ARFGEF3: variants seen among roughly 807,000 people sequenced by gnomAD.
ARFGEF3 encodes the protein brefeldin A-inhibited guanine nucleotide-exchange protein 3.
A neutral mutation model predicts 221.7 loss-of-function variants in ARFGEF3; 96 were observed. The ratio of observed to expected loss-of-function variants is 0.43; its 90% confidence interval spans 0.37 to 0.51. ARFGEF3 has a LOEUF of 0.51. Among genes scored for constraint, ARFGEF3 ranks in the 20% least tolerant of loss-of-function variants. ARFGEF3 has a pLI of 0.00. For missense variants in ARFGEF3, 2,410 were observed against 2,789.9 expected, an observed-to-expected ratio of 0.86 and a Z score of 3.07; for synonymous variants, 1,145 against 1,126.8, an observed-to-expected ratio of 1.02 and a Z score of -0.32.
chr6:138,180,182 C>T (rs1199504507), intron 2 of ARFGEF3, among the ~76,000 whole-genome samples: 1 of 152,180 alleles, frequency 6.6e-6, no homozygotes, highest in Non-Finnish European at 1.5e-5. Context: ...TATGATTTAA[C>T]ATGATGAGGA....
chr6:138,223,358 A>G (rs1778016910), intron 4 of ARFGEF3, among the ~76,000 whole-genome samples: 2 of 152,224 alleles, frequency 1.3e-5, no homozygotes, highest in Non-Finnish European at 2.9e-5. Context: ...GTGTTAAGCA[A>G]CAAAGCTAAA....
At chr6:138,324,280 C>A in intron 31 of ARFGEF3, 126 bp downstream of exon 31, 1 of 1,116,918 alleles carries the variant, frequency 9.0e-7, no homozygotes, top group Non-Finnish European at 1.3e-6. Context: ...CCTTGTAGCT[C>A]CCAACTCTTG....
At chr6:138,255,947 TG>T (rs893420991) in intron 10 of ARFGEF3, among the ~76,000 whole-genome samples, 178 bp downstream of exon 10, 9 of 152,152 alleles carry the variant, frequency 5.9e-5, no homozygotes, top group Admixed American at 5.9e-4. Flanking sequence ...TATTGCGAGC[TG>T]GGGTAGGAGG....
At chr6:138,265,060 C>T (rs921281594) in intron 12 of ARFGEF3, among the ~76,000 whole-genome samples, 11 of 152,048 alleles carry the variant, frequency 7.2e-5, no homozygotes, top group Non-Finnish European at 4.4e-5. Context: ...CCCACCACCA[C>T]ACCGGGCTAA....
intron 2 of ARFGEF3, among the ~76,000 whole-genome samples, chr6:138,174,009 AT>A (rs752680366): frequency 6.6e-6 from 1 of 152,242 alleles, no homozygotes; most frequent in Non-Finnish European, 1.5e-5. Flanking sequence ...TGTACAGAGA[AT>A]TGAACCATAT....
intron 12 of ARFGEF3, among the ~76,000 whole-genome samples, chr6:138,265,108 T>A (rs1031851611): frequency 7.2e-5 from 11 of 152,116 alleles, no homozygotes; most frequent in Non-Finnish European, 1.5e-4. Context: ...TTTCGCTGTG[T>A]TAGCCAGGAT....
chr6:138,194,076 T>C lies in ARFGEF3; in HGVS notation c.138-12966T>C, dbSNP rs377690570. ...TGAGGTCAGGAGTTCGAGACCAGCC[T>C]GAACAACATGATGAAACCCCGTCTC... On this transcript the variant is annotated intron_variant, in intron 2 of 33. Coordinates refer to ENST00000251691, the MANE Select transcript of ARFGEF3 (RefSeq NM_020340.5). Among the ~76,000 whole-genome samples, 73 of 152,196 alleles carry C rather than the reference T, an allele frequency of 4.8e-4. No individual in the cohort carries two copies. In the East Asian group the frequency reaches 0.01, roughly 21 times the overall value.
At chr6:138,270,545 A>G (rs1778985956) in intron 12 of ARFGEF3, among the ~76,000 whole-genome samples, 1 of 152,096 alleles carries the variant, frequency 6.6e-6, no homozygotes, top group Admixed American at 6.5e-5. Flanking sequence ...GACCATGGGC[A>G]AGTTACTGAC....
chr6:138,312,799 T>C (rs1268257694), intron 25 of ARFGEF3, among the ~76,000 whole-genome samples: 1 of 152,174 alleles, frequency 6.6e-6, no homozygotes, highest in African/African-American at 2.4e-5. Flanking sequence ...AACCTCTGCC[T>C]CCCAGGTTCA....
chr6:138,322,663 C>T (rs189619023), intron 29 of ARFGEF3, among the ~76,000 whole-genome samples: 77 of 151,794 alleles, frequency 5.1e-4, no homozygotes, highest in African/African-American at 1.6e-3. Flanking sequence ...GGTGTGGTGG[C>T]GGGCGCCTGT....
chr6:138,194,145 G>C (rs936380481), intron 2 of ARFGEF3, among the ~76,000 whole-genome samples: 1 of 152,004 alleles, frequency 6.6e-6, no homozygotes, highest in Non-Finnish European at 1.5e-5. Flanking sequence ...GCGGGCGCCT[G>C]TAATCCCAGC....
chr6:138,229,882 T>C lies in ARFGEF3; in HGVS notation c.420+30T>C, dbSNP rs770735496. ...GTACTGCTTGTGTCTGTGCCTCCTG[T>C]TCACAGCTGCTTTATCTCTGACTGG... On this transcript the variant is annotated intron_variant, in intron 5 of 33. Coordinates refer to ENST00000251691, the MANE Select transcript of ARFGEF3 (RefSeq NM_020340.5). 7.6e-6 allele frequency: 12 copies of C among 1,577,408 alleles called. No homozygotes were observed. The African/African-American group carries it at 1.2e-4, about 16-fold the overall frequency.
intron 2 of ARFGEF3, among the ~76,000 whole-genome samples, chr6:138,193,766 A>G (rs747301562): frequency 6.6e-6 from 1 of 152,238 alleles, no homozygotes. Context: ...AAATTATAAT[A>G]CATCTATTTA....
At chr6:138,233,434 T>G (rs1778228447) in intron 5 of ARFGEF3, among the ~76,000 whole-genome samples, 1 of 152,156 alleles carries the variant, frequency 6.6e-6, no homozygotes, top group African/African-American at 2.4e-5. Flanking sequence ...TGGACTGCAG[T>G]GGCACAATCT....
At chr6:138,252,401 C>T (rs189595261) in intron 8 of ARFGEF3, among the ~76,000 whole-genome samples, 36 of 152,264 alleles carry the variant, frequency 2.4e-4, no homozygotes, top group African/African-American at 8.2e-4. Context: ...TATTTAATGG[C>T]ACATAAATAC....
intron 27 of ARFGEF3, among the ~76,000 whole-genome samples, chr6:138,318,788 G>A (rs1288725556): frequency 6.6e-6 from 1 of 151,882 alleles, no homozygotes. Flanking sequence ...GTTGAACAAA[G>A]AAGCACAATG....
Position 138,170,905 on chromosome 6 carries a change from G to C in ARFGEF3, c.137+192G>C, listed in dbSNP as rs1235563702. On this transcript the variant is annotated intron_variant, in intron 2 of 33. Coordinates refer to ENST00000251691, the MANE Select transcript of ARFGEF3 (RefSeq NM_020340.5). ...GGAGGCTGAGAAGTCCAAGATCAAG[G>C]GGCCACATCTAGCAAGGGCCTTCTT... 6.6e-5 allele frequency among the ~76,000 whole-genome samples: 10 copies of C among 152,260 alleles called. No homozygotes were observed. In the East Asian group the frequency reaches 1.5e-3, roughly 24 times the overall value.
intron 22 of ARFGEF3, among the ~76,000 whole-genome samples, chr6:138,302,940 A>G (rs770288353): frequency 2.0e-5 from 3 of 152,246 alleles, no homozygotes; most frequent in Non-Finnish European, 2.9e-5. Flanking sequence ...CTATTGCATA[A>G]GAAGAAATGG....
At chr6:138,309,707 T>A (rs928471809) in intron 24 of ARFGEF3, among the ~76,000 whole-genome samples, 5 of 152,190 alleles carry the variant, frequency 3.3e-5, no homozygotes, top group Non-Finnish European at 7.3e-5. Flanking sequence ...GGCCTCAGAA[T>A]GAGGGGCACT....
Sources: allele counts gnomAD v4.1 joint callset (sites outside exome capture counted in the v4.1 genomes callset), GRCh38; gene constraint gnomAD v4.1.1; transcripts MANE v1.5; gene names NCBI Gene and HGNC (gene_info 2026-07-23, HGNC 2026-07-21).